The following GDF7 variants were observed in gnomAD, a reference collection of about 807,000 sequenced individuals.
GDF7 encodes growth differentiation factor 7.
GDF7 carries 12 observed loss-of-function variants against 13.4 expected under a neutral mutation model. The observed-to-expected ratio is 0.90, with a 90% CI of 0.57 to 1.45. The LOEUF (loss-of-function observed/expected upper bound fraction) is 1.45, where lower values mean the gene tolerates loss of function less well. Ranked by LOEUF, GDF7 falls within the 40% of genes most tolerant of loss-of-function variation. The probability of loss-of-function intolerance (pLI) is 0.00; values close to 1 mark genes in which losing one functional copy is unlikely to be tolerated. For synonymous variants in GDF7, 330 were observed against 306.4 expected, an observed-to-expected ratio of 1.08 and a Z score of -0.80; for missense variants, 651 against 652.4, an observed-to-expected ratio of 1.00 and a Z score of 0.02.
Position 20,672,699 on chromosome 2 carries a change from C to G in GDF7, c.*1274C>G, listed in dbSNP as rs1662152186. On this transcript the variant is annotated 3_prime_UTR_variant, in exon 2 of 2. Transcript: ENST00000272224. The stretch of plus-strand genomic sequence containing the variant: ...GGGAAGGTCTGCCCCTTCCCCTCAT[C>G]GGCTCCCTGGCTTGGCTGCTGTGCC... The G allele has an allele frequency of 6.6e-6, 1 of 152,292 alleles. No individual in the cohort carries two copies. Among genetic ancestry groups the G allele is most frequent in the Admixed American group, 6.5e-5 (1 of 15,296 alleles). 9.4% of individuals were successfully genotyped at this position (152,292 alleles called of 1,614,324 possible). A position where few individuals can be genotyped will look rare whatever the true frequency, so the allele number is the denominator to read the frequency against.
At chr2:20,668,876 A>G (rs1226397819) in intron 1 of GDF7, among the ~76,000 whole-genome samples, 2 of 152,158 alleles carry the variant, frequency 1.3e-5, no homozygotes, top group African/African-American at 4.8e-5. Flanking sequence ...GGATACTTAT[A>G]GGACGCCCTA....
At position 20,670,613 on chromosome 2, in the gene GDF7, C is replaced by T; in HGVS notation, c.541C>T (p.Leu181=). ...PGSWTSPPLL[L]LSTCPGAARA... is the part of the protein sequence containing the mutation. ...CAGCTGGACTTCTCCGCCGTTGCTG[C>T]TGCTGTCCACGTGCCCGGGCGCCGC... Residue 181 remains leucine (L), a synonymous_variant, in exon 2 of 2, where the codon CTG becomes TTG. Coordinates refer to ENST00000272224, the MANE Select transcript of GDF7 (RefSeq NM_182828.4). 1 of 1,586,158 alleles carries T rather than the reference C, an allele frequency of 6.3e-7. No individual in the cohort carries two copies. The highest frequency in any genetic ancestry group is 8.6e-7 in the Non-Finnish European group (1 of 1,168,826).
chr2:20,667,152 C>T lies in GDF7; in HGVS notation c.-88C>T, dbSNP rs1695969682. 9.7e-7 allele frequency: 1 copy of T among 1,026,572 alleles called. No individual in the cohort carries two copies. 63.6% of individuals were successfully genotyped at this position (1,026,572 alleles called of 1,614,324 possible). On this transcript the variant is annotated 5_prime_UTR_variant, in exon 1 of 2. Transcript: ENST00000272224. The surrounding 1 kb of genome is among the most constrained non-coding windows in gnomAD (Gnocchi z 6.4). ...GCGGGCTGGCCGCGCACACTTCCCC[C>T]ATTATTAAACACTATGTTCAAAAGG...
chr2:20,668,078 C>T (rs1188015584), intron 1 of GDF7, among the ~76,000 whole-genome samples: 4 of 152,234 alleles, frequency 2.6e-5, no homozygotes, highest in African/African-American at 9.6e-5. Context: ...CTCCCAGTCT[C>T]CTGCGGGCCA....
At position 20,677,810 on chromosome 2, in the gene GDF7, G is replaced by A. The variant is rs1489351455; in HGVS notation, c.*6385G>A. 6.6e-6 allele frequency: 1 copy of A among 152,284 alleles called. No homozygotes were observed. Among genetic ancestry groups the A allele is most frequent in the Non-Finnish European group, 1.5e-5 (1 of 68,092 alleles). The allele number at this position is 152,284 out of a possible 1,614,324, so 9.4% of individuals were successfully genotyped here. On this transcript the variant is annotated 3_prime_UTR_variant, in exon 2 of 2. Coordinates refer to ENST00000272224, the MANE Select transcript of GDF7 (RefSeq NM_182828.4). ...CTGGGGAGACCGCTCATGGGCTATG[G>A]GCAGCCCATGCCTGGATTTTTTGGT...
Position 20,671,239 on chromosome 2 carries a change from C to T in GDF7, c.1167C>T (p.His389=), listed in dbSNP as rs1662119537. The T allele has an allele frequency of 6.2e-7, 1 of 1,614,010 alleles. No homozygotes were observed. Among genetic ancestry groups the T allele is most frequent in the African/African-American group, 1.3e-5 (1 of 75,062 alleles). The change falls in exon 2 of 2, where the codon CAC becomes CAT. Residue 389 remains histidine, a synonymous_variant. Coordinates refer to ENST00000272224, the MANE Select transcript of GDF7 (RefSeq NM_182828.4). ...TTTGCGACTTCCCTTTGCGTTCGCA[C>T]CTCGAGCCCACCAACCATGCCATCA... is the stretch of plus-strand genomic sequence containing the variant. The part of the protein sequence containing the change: ...EGLCDFPLRS[H]LEPTNHAIIQ...
At position 20,670,842 on chromosome 2, in the gene GDF7, G is replaced by C. The variant is rs1259107729; in HGVS notation, c.770G>C (p.Gly257Ala). The C allele has an allele frequency of 6.7e-7, 1 of 1,498,186 alleles. No homozygotes were observed. Among genetic ancestry groups the C allele is most frequent in the South Asian group, 1.2e-5 (1 of 80,014 alleles). 92.8% of individuals were successfully genotyped at this position (1,498,186 alleles called of 1,614,324 possible). The change falls in exon 2 of 2, where the codon GGA (glycine) becomes GCA (alanine). Residue 257 changes from glycine to alanine, a missense_variant. Physicochemically the swap from Gly to Ala is moderately conservative, Grantham distance 60 (BLOSUM62 0). Transcript: ENST00000272224. ...LRRLGFGWPGGGGSAAEERAV... is the reference protein window; with the variant it reads ...LRRLGFGWPGAGGSAAEERAV... ...CGGCTGGGCTTCGGCTGGCCGGGCG[G>C]AGGGGGCTCTGCGGCAGAGGAGCGC...
chr2:20,670,564 G>A lies in GDF7; in HGVS notation c.492G>A (p.Arg164=), dbSNP rs767674220. 14 of 1,606,938 alleles carry A rather than the reference G, an allele frequency of 8.7e-6. No individual in the cohort carries two copies. The highest frequency in any genetic ancestry group is 1.2e-5 in the Non-Finnish European group (14 of 1,177,862). ...GTGCCGAGCTGCGCGTGCTGCGCCG[G>A]GGATCTCCAGAGTCGGGCCCAGGCA... ...VVGAELRVLR[R]GSPESGPGSW... is the part of the protein sequence containing the mutation. The change falls in exon 2 of 2, where the codon CGG becomes CGA. Residue 164 remains arginine (R), a synonymous_variant. Coordinates refer to ENST00000272224, the MANE Select transcript of GDF7 (RefSeq NM_182828.4).
Position 20,667,385 on chromosome 2 carries a change from G to GCGGCGGCGA in GDF7, c.149_150insCGGCGACGG (p.Gly50_Arg51insGlyAspGly). 3.1e-6 allele frequency: 3 copies of GCGGCGGCGA among 974,618 alleles called. No individual in the cohort carries two copies. The highest frequency in any genetic ancestry group is 4.5e-5 in the South Asian group (1 of 22,048). 60.4% of individuals were successfully genotyped at this position (974,618 alleles called of 1,614,324 possible). On this transcript the variant is annotated inframe_insertion, in exon 1 of 2. Coordinates refer to ENST00000272224, the MANE Select transcript of GDF7 (RefSeq NM_182828.4). This position sits in a 1 kb window ranked among gnomAD's most constrained non-coding sequence, Gnocchi z 6.4. ...GGGGGCGGCGGCGGCGGCGGCGGCG[G>GCGGCGGCGA]CGGGCGGACTCTTGCCCAGGCTGCG...
chr2:20,667,297 C>T lies in GDF7; in HGVS notation c.58C>T (p.Arg20Cys). ...TTGGCTGCTGAGCGCCTGCCGCCCC[C>T]GCGACGGGCTGGAAGCGGCCGCCGT... ...CLWLLSACRP[R>C]DGLEAAAVLR... Residue 20 changes from arginine to cysteine, a missense_variant, in exon 1 of 2, where the codon CGC becomes TGC. Transcript: ENST00000272224. The surrounding 1 kb of genome is among the most constrained non-coding windows in gnomAD (Gnocchi z 6.4). The T allele has an allele frequency of 1.7e-6, 2 of 1,194,554 alleles. No homozygotes were observed. The highest frequency in any genetic ancestry group is 2.3e-5 in the South Asian group (1 of 42,720). The allele number at this position is 1,194,554 out of a possible 1,614,324, so 74.0% of individuals were successfully genotyped here.
At position 20,670,754 on chromosome 2, in the gene GDF7, C is replaced by G. The variant is rs1396469489; in HGVS notation, c.682C>G (p.Arg228Gly). Residue 228 changes from arginine (R) to glycine (G), a missense_variant, in exon 2 of 2, where the codon CGC (arginine) becomes GGC (glycine). Around this residue, in one of 4 missense-constraint regions of GDF7, gnomAD observed 487 missense variants for 445.9 expected, o/e 1.09. Coordinates refer to ENST00000272224, the MANE Select transcript of GDF7 (RefSeq NM_182828.4). ...CCACCGTCGTGAACCGCGCCCCCCC[C>G]GCGCGTTCTGCCTCTTGCTGCGCGC... is the stretch of plus-strand genomic sequence containing the variant. ...RRHRREPRPP[R>G]AFCLLLRAVA... The G allele has an allele frequency of 1.1e-5, 17 of 1,485,558 alleles. No homozygotes were observed. Among genetic ancestry groups the G allele is most frequent in the East Asian group, 2.7e-5 (1 of 37,634 alleles). The allele number at this position is 1,485,558 out of a possible 1,614,324, so 92.0% of individuals were successfully genotyped here.
rs1662126738 is a variant in GDF7 at position 20,671,485 on chromosome 2, C to T, written c.*60C>T. Reference sequence around the variant, plus strand: ...AGGATCCCCAGCTGATGAGCAGCAGCGGGCCACCCTGTCACCGAGCGTGGG... The same window carrying T: ...AGGATCCCCAGCTGATGAGCAGCAGTGGGCCACCCTGTCACCGAGCGTGGG... On this transcript the variant is annotated 3_prime_UTR_variant, in exon 2 of 2. Coordinates refer to ENST00000272224, the MANE Select transcript of GDF7 (RefSeq NM_182828.4). The T allele has an allele frequency of 1.3e-6, 2 of 1,547,790 alleles. No homozygotes were observed. The highest frequency in any genetic ancestry group is 1.4e-5 in the African/African-American group (1 of 73,700).
chr2:20,667,358 C>CA lies in GDF7; in HGVS notation c.120dup (p.Gly41ArgfsTer109). 2.9e-6 allele frequency: 1 copy of CA among 344,374 alleles called. No homozygotes were observed. The allele number at this position is 344,374 out of a possible 1,614,324, so 21.3% of individuals were successfully genotyped here. On this transcript the variant is annotated frameshift_variant, in exon 1 of 2. Transcript: ENST00000272224. LOFTEE classifies it high-confidence loss of function. The surrounding 1 kb of genome is among the most constrained non-coding windows in gnomAD (Gnocchi z 6.4). ...GCGGGGGCTGGGCCGGTCCGGAGCC[C>CA]AGGGGGCGGCGGCGGCGGCGGCGGC...
Position 20,670,433 on chromosome 2 carries a change from C to A in GDF7, c.392-31C>A, listed in dbSNP as rs201215853. ...GTGCAGGATTTGCTCTTACACAGCT[C>A]TTTCTCTCTGTCCCTGCCGGTCCCC... On this transcript the variant is annotated intron_variant, in intron 1 of 1. Transcript: ENST00000272224. 1.9e-4 allele frequency: 280 copies of A among 1,493,516 alleles called. 1 individual carries two copies. Among genetic ancestry groups the A allele is most frequent in the Middle Eastern group, 3.6e-4 (2 of 5,604 alleles). 92.5% of individuals were successfully genotyped at this position (1,493,516 alleles called of 1,614,324 possible). A position where few individuals can be genotyped will look rare whatever the true frequency, so the allele number is the denominator to read the frequency against.
In GDF7 at chr2:20,671,382, A is replaced by C; in HGVS notation, c.1310A>C (p.Lys437Thr). ...GACGCCGCCAACAACGTTGTCTACA[A>C]GCAATACGAGGACATGGTGGTGGAG... Reference protein sequence around the residue: ...YIDAANNVVYKQYEDMVVEAC... With the variant: ...YIDAANNVVYTQYEDMVVEAC... Residue 437 changes from lysine (K) to threonine (T), a missense_variant, in exon 2 of 2, where the codon AAG becomes ACG. By Grantham distance (78) the Lys-to-Thr change is moderately conservative. Around this residue, in one of 4 missense-constraint regions of GDF7, gnomAD observed 101 missense variants for 139.2 expected, o/e 0.73. Transcript: ENST00000272224. The C allele has an allele frequency of 1.2e-6, 2 of 1,611,902 alleles. No homozygotes were observed. The highest frequency in any genetic ancestry group is 2.2e-5 in the East Asian group (1 of 44,720).
rs761897305 is a variant in GDF7 at position 20,670,746 on chromosome 2, G to GC, written c.682dup (p.Arg228ProfsTer258). On this transcript the variant is annotated frameshift_variant, in exon 2 of 2. Coordinates refer to ENST00000272224, the MANE Select transcript of GDF7 (RefSeq NM_182828.4). LOFTEE classifies it low-confidence loss of function (END_TRUNC). The stretch of plus-strand genomic sequence containing the variant: ...ATGAGGCGCCACCGTCGTGAACCGC[G>GC]CCCCCCCCGCGCGTTCTGCCTCTTG... 2.9e-4 allele frequency: 422 copies of GC among 1,477,662 alleles called. No homozygotes were observed. The highest frequency in any genetic ancestry group is 1.1e-3 in the Admixed American group (47 of 44,022). 91.5% of individuals were successfully genotyped at this position (1,477,662 alleles called of 1,614,324 possible).
intron 1 of GDF7, among the ~76,000 whole-genome samples, chr2:20,669,946 C>A (rs1032232426): frequency 6.6e-6 from 1 of 152,216 alleles, no homozygotes; most frequent in Non-Finnish European, 1.5e-5. Context: ...TTTCAGGAGA[C>A]CAGAATTTTC....
intron 1 of GDF7, among the ~76,000 whole-genome samples, chr2:20,668,358 C>T (rs1662007048): frequency 6.6e-6 from 1 of 152,102 alleles, no homozygotes; most frequent in Non-Finnish European, 1.5e-5. Context: ...GCAGGCCTCT[C>T]TTAGACTAAG....
rs571994091 is a variant in GDF7, at chr2:20,672,201, C to T, written c.*776C>T. Reference sequence around the variant, plus strand: ...GTGGAAAGGATATTTTTCTTTTAAACGGCTGAGTCTGATCTAACAGGATAT... The same window carrying T: ...GTGGAAAGGATATTTTTCTTTTAAATGGCTGAGTCTGATCTAACAGGATAT... On this transcript the variant is annotated 3_prime_UTR_variant, in exon 2 of 2. Coordinates refer to ENST00000272224, the MANE Select transcript of GDF7 (RefSeq NM_182828.4). 2.8e-5 allele frequency: 4 copies of T among 142,532 alleles called. No individual in the cohort carries two copies. The highest frequency in any genetic ancestry group is 2.4e-4 in the South Asian group (1 of 4,120). 8.8% of individuals were successfully genotyped at this position (142,532 alleles called of 1,614,324 possible).
Sources: gnomAD v4.1 joint callset for allele counts (sites outside exome capture counted in the v4.1 genomes callset) on GRCh38, gnomAD v4.1.1 for gene constraint, gnomAD v4.1.1 regional missense constraint, Gnocchi (gnomAD v3.1) non-coding constraint, MANE v1.5 for transcripts, NCBI Gene and HGNC (gene_info 2026-07-23, HGNC 2026-07-21) for gene names.